The following BRD10 variants were observed in gnomAD, a reference collection of about 807,000 sequenced individuals.
The protein encoded by BRD10 is bromodomain containing 10, also known as uncharacterized bromodomain-containing protein 10.
the BRD10 span, among the ~76,000 whole-genome samples, chr9:5,901,701 C>A: frequency 6.6e-5 from 10 of 150,610 alleles, 1 homozygote; most frequent in African/African-American, 2.4e-4. Context: ...TTTGTATTTT[C>A]GGTAGAGATG....
chr9:5,907,979 A>G, the BRD10 span, among the ~76,000 whole-genome samples: 1 of 152,200 alleles, frequency 6.6e-6, no homozygotes, highest in Non-Finnish European at 1.5e-5. Context: ...AAATAAAATT[A>G]CATAAGTGGC....
the BRD10 span, chr9:5,969,351 C>G: frequency 6.2e-7 from 1 of 1,612,508 alleles, no homozygotes; most frequent in Non-Finnish European, 8.5e-7. Flanking sequence ...CAAGTTGGAG[C>G]TGCTTGAGCT....
chr9:5,948,076 C>T, the BRD10 span, among the ~76,000 whole-genome samples: 1 of 152,262 alleles, frequency 6.6e-6, no homozygotes, highest in Admixed American at 6.5e-5. Flanking sequence ...AAGGCTGTCA[C>T]ACTCCCTCAA....
chr9:5,941,026 C>G, the BRD10 span, among the ~76,000 whole-genome samples: 1 of 151,984 alleles, frequency 6.6e-6, no homozygotes, highest in Admixed American at 6.6e-5. Context: ...CTACAAGGGT[C>G]TTTCCTTAAT....
chr9:6,008,116 G>A, the BRD10 span: 2 of 984,018 alleles, frequency 2.0e-6, no homozygotes, highest in South Asian at 4.7e-5. Flanking sequence ...CACCGGCCAG[G>A]CCCTGCCGGG....
the BRD10 span, chr9:5,921,401 G>A: frequency 7.4e-6 from 12 of 1,613,992 alleles, no homozygotes; most frequent in African/African-American, 5.3e-5. Flanking sequence ...CAATGGAGGA[G>A]GAAGAGTTTG....
chr9:5,987,553 T>A, the BRD10 span, among the ~76,000 whole-genome samples: 1 of 152,198 alleles, frequency 6.6e-6, no homozygotes, highest in Non-Finnish European at 1.5e-5. Flanking sequence ...TAATTACTGC[T>A]GGAAAAAGTA....
At chr9:5,987,980 A>G in the BRD10 span, among the ~76,000 whole-genome samples, 11 of 152,168 alleles carry the variant, frequency 7.2e-5, no homozygotes, top group East Asian at 2.1e-3. Context: ...AATTTATGTC[A>G]TGCTTGAACT....
chr9:5,946,706 T>C, the BRD10 span, among the ~76,000 whole-genome samples: 152 of 152,224 alleles, frequency 1.0e-3, 2 homozygotes, highest in East Asian at 0.024. Context: ...TTTGCACATA[T>C]GGCAAACCAC....
the BRD10 span, chr9:5,920,984 G>A: frequency 1.7e-5 from 27 of 1,613,968 alleles, no homozygotes; most frequent in Middle Eastern, 3.3e-4. Context: ...AGCTGAAGCA[G>A]AGGCTGAGGT....
the BRD10 span, chr9:5,922,408 T>C: frequency 9.9e-6 from 16 of 1,614,032 alleles, no homozygotes; most frequent in Non-Finnish European, 1.3e-5. Context: ...ATGGTGTTAA[T>C]AAGTTACTTA....
chr9:5,894,935 C>A, the BRD10 span, among the ~76,000 whole-genome samples: 1 of 152,164 alleles, frequency 6.6e-6, no homozygotes, highest in Admixed American at 6.5e-5. This position sits in a 1 kb window ranked among gnomAD's most constrained non-coding sequence, Gnocchi z 4.0. Flanking sequence ...TGTGAAGGAA[C>A]CCCTTGACTG....
chr9:5,957,536 T>C, the BRD10 span, among the ~76,000 whole-genome samples: 2 of 152,156 alleles, frequency 1.3e-5, no homozygotes, highest in Non-Finnish European at 2.9e-5. Flanking sequence ...GTAGCTAATA[T>C]GCACTAGGAG....
At chr9:5,946,558 A>G in the BRD10 span, among the ~76,000 whole-genome samples, 1 of 152,112 alleles carries the variant, frequency 6.6e-6, no homozygotes, top group African/African-American at 2.4e-5. Context: ...TTAAGTATTC[A>G]GTGAGGACTA....
chr9:5,923,153 G>C, the BRD10 span: 3 of 1,613,982 alleles, frequency 1.9e-6, no homozygotes, highest in Non-Finnish European at 2.5e-6. Flanking sequence ...CTTCCTTGGA[G>C]AAAGCTCTTT....
the BRD10 span, among the ~76,000 whole-genome samples, chr9:5,958,482 A>T: frequency 1.3e-5 from 2 of 151,736 alleles, no homozygotes; most frequent in Non-Finnish European, 2.9e-5. Context: ...TCAGACTTCC[A>T]CTTTAAGCCA....
chr9:5,968,222 T>C, the BRD10 span: 1 of 1,613,076 alleles, frequency 6.2e-7, no homozygotes, highest in Admixed American at 1.7e-5. Flanking sequence ...CTTGTGGCTC[T>C]GTAGTGACTG....
chr9:5,929,043 C>A, the BRD10 span: 1 of 1,484,232 alleles, frequency 6.7e-7, no homozygotes, highest in Non-Finnish European at 9.4e-7. Flanking sequence ...ATTAAAATTA[C>A]CTGTTTCTTT....
the BRD10 span, among the ~76,000 whole-genome samples, chr9:5,964,109 T>G: frequency 6.6e-6 from 1 of 151,260 alleles, no homozygotes; most frequent in Admixed American, 6.6e-5. Flanking sequence ...ACCATCAGAG[T>G]GAACAGGCAA....
Sources: gnomAD v4.1 joint callset for allele counts (sites outside exome capture counted in the v4.1 genomes callset) on GRCh38, gnomAD v4.1.1 for gene constraint, Gnocchi (gnomAD v3.1) non-coding constraint, MANE v1.5 for transcripts, NCBI Gene and HGNC (gene_info 2026-07-23, HGNC 2026-07-21) for gene names.